The following GRAMD1B variants were observed in gnomAD, a reference collection of about 807,000 sequenced individuals.
The protein encoded by GRAMD1B is protein Aster-B.
A neutral mutation model predicts 99.7 loss-of-function variants in GRAMD1B; 37 were observed. The observed-to-expected ratio is 0.37, with a 90% CI of 0.29 to 0.49. The LOEUF (loss-of-function observed/expected upper bound fraction) is 0.49, where lower values mean the gene tolerates loss of function less well. Among genes scored for constraint, GRAMD1B ranks in the 20% least tolerant of loss-of-function variants. The probability of loss-of-function intolerance (pLI) is 0.98; values close to 1 mark genes in which losing one functional copy is unlikely to be tolerated. For missense variants in GRAMD1B, 888 were observed against 1,009.2 expected (o/e 0.88, Z 1.63); for synonymous variants, 427 against 387.6 (o/e 1.10, Z -1.19).
chr11:123,532,269 G>C (rs559330761), intron 2 of GRAMD1B, among the ~76,000 whole-genome samples: 1 of 152,298 alleles, frequency 6.6e-6, no homozygotes, highest in South Asian at 2.1e-4. Flanking sequence ...GAATGTCATG[G>C]CCCTTCTACC....
intron 1 of GRAMD1B, among the ~76,000 whole-genome samples, chr11:123,393,398 T>G (rs1159765361): frequency 6.6e-6 from 1 of 152,216 alleles, no homozygotes; most frequent in Non-Finnish European, 1.5e-5. Flanking sequence ...GAATCTGGTT[T>G]GGGAGAAGCC....
chr11:123,362,970 G>A (rs550321475), intron 1 of GRAMD1B, among the ~76,000 whole-genome samples: 12 of 152,160 alleles, frequency 7.9e-5, no homozygotes, highest in Admixed American at 2.6e-4. Context: ...GTAGGGTGGC[G>A]GAGAGAGGAA....
intron 2 of GRAMD1B, among the ~76,000 whole-genome samples, chr11:123,491,075 G>A (rs563655588): frequency 1.3e-5 from 2 of 152,310 alleles, no homozygotes; most frequent in East Asian, 1.9e-4. Context: ...GCTCACGCCT[G>A]TAATCCCAGC....
intron 2 of GRAMD1B, among the ~76,000 whole-genome samples, chr11:123,531,213 C>G (rs73614052): frequency 0.016 from 2,361 of 152,176 alleles, 63 homozygotes; most frequent in African/African-American, 0.053. Context: ...TCCCGTGGTT[C>G]GGTAAGTCCA....
At chr11:123,451,439 C>T (rs1949883237) in intron 1 of GRAMD1B, among the ~76,000 whole-genome samples, 1 of 152,184 alleles carries the variant, frequency 6.6e-6, no homozygotes, top group Admixed American at 6.5e-5. Context: ...TGTCATGTCA[C>T]TTTTAATTTA....
chr11:123,429,529 G>C (rs1247009437), upstream of GRAMD1B, among the ~76,000 whole-genome samples: 1 of 152,142 alleles, frequency 6.6e-6, no homozygotes, highest in Non-Finnish European at 1.5e-5. This position sits in a 1 kb window ranked among gnomAD's most constrained non-coding sequence, Gnocchi z 4.0. Context: ...CAATGTAAGG[G>C]GGGGTACCCT....
chr11:123,584,302 C>T lies in GRAMD1B; in HGVS notation c.664-10C>T, dbSNP rs571822984. On this transcript the variant is annotated splice_polypyrimidine_tract_variant and intron_variant, in intron 3 of 19. Coordinates refer to ENST00000635736, the MANE Select transcript of GRAMD1B (RefSeq NM_001387025.1). ...CTAATTCTACCTTCTCTTTCATTTT[C>T]TCTTTTCAGAAAAGCCAGAGTTGGT... 7.9e-4 allele frequency: 813 copies of T among 1,025,642 alleles called. 6 individuals carry two copies. The South Asian group carries it at 0.011, about 14-fold the overall frequency. 63.5% of individuals were successfully genotyped at this position (1,025,642 alleles called of 1,614,324 possible). A position where few individuals can be genotyped will look rare whatever the true frequency, so the allele number is the denominator to read the frequency against.
intron 1 of GRAMD1B, among the ~76,000 whole-genome samples, chr11:123,377,386 T>A (rs1946723591): frequency 6.6e-6 from 1 of 152,156 alleles, no homozygotes; most frequent in Admixed American, 6.5e-5. Flanking sequence ...GGATAAAGCA[T>A]CAGAGCAAAG....
chr11:123,362,178 T>C (rs1946167127), intron 1 of GRAMD1B, among the ~76,000 whole-genome samples: 1 of 152,232 alleles, frequency 6.6e-6, no homozygotes, highest in Non-Finnish European at 1.5e-5. Flanking sequence ...GGAATATCTC[T>C]AGTTGTTCAT....
intron 2 of GRAMD1B, among the ~76,000 whole-genome samples, chr11:123,513,597 C>CTTTCTTTCTTTCTTT (rs1941322558): frequency 2.4e-4 from 11 of 45,102 alleles, no homozygotes; most frequent in African/African-American, 7.8e-4. Context: ...TTCCTTCCTT[C>CTTTCTTTCTTTCTTT]CTTCCTTCCT....
Position 123,502,926 on chromosome 11 carries a change from T to C in GRAMD1B, c.452+22033T>C, listed in dbSNP as rs186737012. Among the ~76,000 whole-genome samples, 30 of 152,316 alleles carry C rather than the reference T, an allele frequency of 2.0e-4. No homozygotes were observed. In the East Asian group the frequency reaches 5.6e-3, roughly 28 times the overall value. ...GGGCAAAATCATCTGGCAGTACAGT[T>C]GACTGTAGAGTATTGGTTGTTTGCT... On this transcript the variant is annotated intron_variant, in intron 2 of 19. Transcript: ENST00000635736.
rs767104181 is a variant in GRAMD1B, at chr11:123,449,714, C to CTTTTTTTTTTTTTTTTTTTTTT, written c.374+18565_374+18566insTTTTTTTTTTTTTTTTTTTTTT. Among the ~76,000 whole-genome samples the CTTTTTTTTTTTTTTTTTTTTTT allele has an allele frequency of 1.8e-4, 18 of 99,984 alleles. 2 individuals carry two copies. Among genetic ancestry groups the CTTTTTTTTTTTTTTTTTTTTTT allele is most frequent in the Non-Finnish European group, 2.9e-4 (14 of 48,598 alleles). 65.6% of individuals were successfully genotyped at this position (99,984 alleles called of 152,430 possible). A position where few individuals can be genotyped will look rare whatever the true frequency, so the allele number is the denominator to read the frequency against. On this transcript the variant is annotated intron_variant, in intron 1 of 19. Transcript: ENST00000635736. Reference sequence around the variant, plus strand: ...TGCAGATGCATGCCACCATGCCTGGCTTTTTTTTTTTTTTTTTGAGACAGG... The same window carrying CTTTTTTTTTTTTTTTTTTTTTT: ...TGCAGATGCATGCCACCATGCCTGGCTTTTTTTTTTTTTTTTTTTTTTTTTTTTTTTTTTTTTTTGAGACAGG...
At chr11:123,468,795 C>CAAAAA (rs11446671) in intron 1 of GRAMD1B, among the ~76,000 whole-genome samples, 2 of 98,040 alleles carry the variant, frequency 2.0e-5, no homozygotes, top group Admixed American at 1.2e-4. Flanking sequence ...GACCCTGTAT[C>CAAAAA]AAAAAAAAAA....
At chr11:123,404,770 G>A (rs575327801) in intron 1 of GRAMD1B, among the ~76,000 whole-genome samples, 2 of 152,198 alleles carry the variant, frequency 1.3e-5, no homozygotes, top group Admixed American at 6.5e-5. Flanking sequence ...CCTTCACTGC[G>A]CAGCCTTGCA....
At chr11:123,519,868 C>A (rs1350242379) in intron 2 of GRAMD1B, among the ~76,000 whole-genome samples, 1 of 152,210 alleles carries the variant, frequency 6.6e-6, no homozygotes, top group Non-Finnish European at 1.5e-5. Context: ...GCAGGAGGGC[C>A]GAATTCTCCC....
intron 1 of GRAMD1B, among the ~76,000 whole-genome samples, chr11:123,457,944 G>A (rs560502344): frequency 2.0e-5 from 3 of 152,206 alleles, no homozygotes; most frequent in South Asian, 4.2e-4. Context: ...TTGAACTCCT[G>A]GGCTCAAGGA....
In GRAMD1B at chr11:123,627,134, C is replaced by A. The variant is rs1955541377; in HGVS notation, c.*4539C>A. Reference sequence around the variant, plus strand: ...AGGAGGAGCTGATGCTGACGATCTCCCCAACATCTGAAGGCTTAAAGAACA... The same window carrying A: ...AGGAGGAGCTGATGCTGACGATCTCACCAACATCTGAAGGCTTAAAGAACA... On this transcript the variant is annotated 3_prime_UTR_variant, in exon 20 of 20. Transcript: ENST00000635736. The A allele has an allele frequency of 6.6e-6, 1 of 152,264 alleles. No individual in the cohort carries two copies. Among genetic ancestry groups the A allele is most frequent in the Admixed American group, 6.5e-5 (1 of 15,284 alleles). The allele number at this position is 152,264 out of a possible 1,614,324, so 9.4% of individuals were successfully genotyped here.
intron 1 of GRAMD1B, among the ~76,000 whole-genome samples, chr11:123,475,941 G>A (rs1458834477): frequency 2.6e-5 from 4 of 152,062 alleles, no homozygotes; most frequent in Admixed American, 6.6e-5. Context: ...GAGTTGCCTG[G>A]GGTCCAGGTG....
chr11:123,608,964 G>A (rs545646571), intron 12 of GRAMD1B, among the ~76,000 whole-genome samples, 162 bp downstream of exon 12: 7 of 152,068 alleles, frequency 4.6e-5, no homozygotes, highest in East Asian at 1.9e-4. Flanking sequence ...TCTGTGGTTC[G>A]GGAGCTCCTT....
Sources: gnomAD v4.1 joint callset for allele counts (sites outside exome capture counted in the v4.1 genomes callset) on GRCh38, gnomAD v4.1.1 for gene constraint, Gnocchi (gnomAD v3.1) non-coding constraint, MANE v1.5 for transcripts, NCBI Gene and HGNC (gene_info 2026-07-23, HGNC 2026-07-21) for gene names.